Variants in CLVS1 observed in about 807,000 individuals in gnomAD.
CLVS1 encodes clavesin-1.
A neutral mutation model predicts 33.1 loss-of-function variants in CLVS1; 10 were observed. The ratio of observed to expected loss-of-function variants is 0.30; its 90% CI spans 0.19 to 0.51. CLVS1 has a LOEUF of 0.51. Among genes scored for constraint, CLVS1 ranks in the 20% least tolerant of loss-of-function variants. CLVS1 has a pLI of 0.97. For missense variants in CLVS1, 343 were observed against 433.4 expected (o/e 0.79, Z 1.85); for synonymous variants, 163 against 166.1 (o/e 0.98, Z 0.14).
chr8:61,045,952 G>A, the CLVS1 span, among the ~76,000 whole-genome samples: 2 of 152,208 alleles, frequency 1.3e-5, no homozygotes, highest in East Asian at 3.8e-4. Flanking sequence ...TGTACACTCT[G>A]ATGGTAGTTT....
intron 3 of CLVS1, among the ~76,000 whole-genome samples, chr8:61,443,580 A>G (rs1816646890): frequency 1.3e-5 from 2 of 152,150 alleles, no homozygotes; most frequent in East Asian, 1.9e-4. Flanking sequence ...TGGGTCCTCT[A>G]TTCTGTTCCC....
intron 3 of CLVS1, among the ~76,000 whole-genome samples, chr8:61,423,188 C>T (rs1815749532): frequency 1.3e-5 from 2 of 152,164 alleles, no homozygotes; most frequent in Non-Finnish European, 2.9e-5. Context: ...CCACCTCAAC[C>T]CCTGGGCTTT....
At chr8:60,986,431 G>A in the CLVS1 span, among the ~76,000 whole-genome samples, 2 of 152,242 alleles carry the variant, frequency 1.3e-5, no homozygotes, top group Admixed American at 6.5e-5. Flanking sequence ...GGCCTGGCTT[G>A]TGTCAGCTTC....
intron 1 of CLVS1, 133 bp from the exon 2 acceptor site, chr8:61,299,544 T>C (rs1810352457): frequency 5.8e-6 from 2 of 347,718 alleles, no homozygotes; most frequent in Non-Finnish European, 1.0e-5. Context: ...ATTTATCATT[T>C]GTTCTTTGGA....
At chr8:61,182,954 T>C (rs1284215960) in intron 2 of CLVS1, among the ~76,000 whole-genome samples, 1 of 152,146 alleles carries the variant, frequency 6.6e-6, no homozygotes, top group East Asian at 1.9e-4. Flanking sequence ...CACCACGAAA[T>C]ACAATGCAGT....
At chr8:61,486,544 C>A (rs550841507) in intron 5 of CLVS1, among the ~76,000 whole-genome samples, 1 of 152,212 alleles carries the variant, frequency 6.6e-6, no homozygotes, top group African/African-American at 2.4e-5. Flanking sequence ...CTTCACGTAC[C>A]TTAAACTGTG....
At chr8:61,455,317 C>T (rs949927) in intron 4 of CLVS1, among the ~76,000 whole-genome samples, 100,050 of 151,740 alleles carry the variant, frequency 0.66, 37,330 homozygotes, top group Non-Finnish European at 0.85. Flanking sequence ...CTATTCTCAT[C>T]CTATATAACT....
the CLVS1 span, among the ~76,000 whole-genome samples, chr8:60,979,938 A>G: frequency 6.6e-6 from 1 of 152,232 alleles, no homozygotes; most frequent in Non-Finnish European, 1.5e-5. Flanking sequence ...CGAAGTTAAC[A>G]CTTACTTCCT....
chr8:61,454,094 C>A (rs1031399122), intron 3 of CLVS1, 47 bp from the exon 4 acceptor site: 11 of 1,316,056 alleles, frequency 8.4e-6, no homozygotes, highest in Non-Finnish European at 1.1e-5. Context: ...TCCAGTCTAA[C>A]AAGGTGTGCT....
chr8:61,039,426 C>T, the CLVS1 span, among the ~76,000 whole-genome samples: 3 of 152,242 alleles, frequency 2.0e-5, no homozygotes, highest in Non-Finnish European at 4.4e-5. Context: ...GTCCAGAGCA[C>T]ACAGGCTCCT....
intron 2 of CLVS1, among the ~76,000 whole-genome samples, chr8:61,190,050 C>T (rs1225208525): frequency 2.0e-5 from 3 of 152,172 alleles, no homozygotes; most frequent in Admixed American, 6.6e-5. Flanking sequence ...AAGTCTCCAC[C>T]CCAAATCAAC....
chr8:61,124,543 T>C (rs1377037066), intron 1 of CLVS1, among the ~76,000 whole-genome samples: 5 of 152,236 alleles, frequency 3.3e-5, no homozygotes, highest in Admixed American at 6.5e-5. Context: ...TGATCTATTT[T>C]CTTGACTATT....
intron 3 of CLVS1, among the ~76,000 whole-genome samples, chr8:61,388,941 G>C (rs1462823973): frequency 1.3e-5 from 2 of 151,858 alleles, no homozygotes; most frequent in African/African-American, 4.8e-5. Context: ...ACCCTCCCTA[G>C]CCTCTAATAT....
intron 2 of CLVS1, among the ~76,000 whole-genome samples, chr8:61,279,715 T>A (rs532294102): frequency 6.6e-6 from 1 of 152,366 alleles, no homozygotes; most frequent in African/African-American, 2.4e-5. Context: ...GATATACATG[T>A]AAGTTGGATG....
the CLVS1 span, among the ~76,000 whole-genome samples, chr8:61,036,409 A>G: frequency 6.6e-6 from 1 of 152,324 alleles, no homozygotes; most frequent in Non-Finnish European, 1.5e-5. Context: ...AACCTGGGAA[A>G]CAAGAGGTGA....
chr8:61,086,604 C>CA (rs1585599551), intron 1 of CLVS1, among the ~76,000 whole-genome samples: 2 of 148,300 alleles, frequency 1.3e-5, no homozygotes, highest in Non-Finnish European at 3.0e-5. Flanking sequence ...AAATGGGTTA[C>CA]TTTTTTTTTT....
rs1034679054 is a variant in CLVS1, at chr8:61,381,429, T to G, written c.630+4650T>G. The stretch of plus-strand genomic sequence containing the variant: ...TTTTTTTGTGTTACGAGAATTACGT[T>G]TTTTTCCTTTCAACTTTTATTTTAG... On this transcript the variant is annotated intron_variant, in intron 3 of 5. Transcript: ENST00000325897. 2.6e-5 allele frequency among the ~76,000 whole-genome samples: 4 copies of G among 152,180 alleles called. No homozygotes were observed. The East Asian group carries it at 7.7e-4, about 29-fold the overall frequency.
At chr8:61,295,105 G>A (rs1460124271) in intron 1 of CLVS1, among the ~76,000 whole-genome samples, 1 of 152,150 alleles carries the variant, frequency 6.6e-6, no homozygotes, top group Admixed American at 6.5e-5. Flanking sequence ...GTGAAAGGAG[G>A]TATCCTCCAC....
intron 2 of CLVS1, among the ~76,000 whole-genome samples, chr8:61,226,723 A>G (rs1369642088): frequency 6.6e-6 from 1 of 152,198 alleles, no homozygotes; most frequent in African/African-American, 2.4e-5. Flanking sequence ...CACTGGCCTC[A>G]GCTTCTTAAC....
Sources: allele counts gnomAD v4.1 joint callset (sites outside exome capture counted in the v4.1 genomes callset), GRCh38; gene constraint gnomAD v4.1.1; transcripts MANE v1.5; gene names NCBI Gene and HGNC (gene_info 2026-07-23, HGNC 2026-07-21).